KCNH1: variants seen among roughly 807,000 people sequenced by gnomAD.
The protein encoded by KCNH1 is voltage-gated delayed rectifier potassium channel KCNH1.
A neutral mutation model predicts 69.2 loss-of-function variants in KCNH1; 27 were observed. The ratio of observed to expected loss-of-function variants is 0.39; its 90% confidence interval spans 0.29 to 0.54. The LOEUF is 0.54. KCNH1 is among the 20% of genes least tolerant of loss of function. The pLI, the probability that KCNH1 is intolerant of heterozygous loss-of-function variation, is 0.68. For synonymous variants in KCNH1, 456 were observed against 487.7 expected, an observed-to-expected ratio of 0.93 and a Z score of 0.86; for missense variants, 798 against 1,261.6, an observed-to-expected ratio of 0.63 and a Z score of 5.57.
chr1:211,087,035 C>T (rs1690964251), intron 4 of KCNH1, among the ~76,000 whole-genome samples: 1 of 152,088 alleles, frequency 6.6e-6, no homozygotes, highest in African/African-American at 2.4e-5. Context: ...ACTTTCCCAC[C>T]AACCTGAGGG....
intron 1 of KCNH1, among the ~76,000 whole-genome samples, chr1:211,123,732 C>T (rs912341280): frequency 2.6e-5 from 4 of 151,926 alleles, no homozygotes; most frequent in Non-Finnish European, 4.4e-5. Context: ...AAGCATGAGC[C>T]GAGAGCAAGA....
intron 10 of KCNH1, among the ~76,000 whole-genome samples, chr1:210,729,329 A>G (rs1682685297): frequency 6.6e-6 from 1 of 152,228 alleles, no homozygotes; most frequent in South Asian, 2.1e-4. Context: ...AAAAAAATGC[A>G]GCTGTCCTTT....
At chr1:210,832,969 A>G (rs1685195248) in intron 7 of KCNH1, among the ~76,000 whole-genome samples, 1 of 148,192 alleles carries the variant, frequency 6.7e-6, no homozygotes, top group Non-Finnish European at 1.5e-5. Flanking sequence ...GAGATGCTTT[A>G]TCACTATTGC....
At chr1:210,814,567 G>A (rs1684774776) in intron 7 of KCNH1, among the ~76,000 whole-genome samples, 1 of 152,172 alleles carries the variant, frequency 6.6e-6, no homozygotes, top group Non-Finnish European at 1.5e-5. Flanking sequence ...AGGTTCTGAT[G>A]AGAAAGCAGC....
chr1:211,111,791 C>G (rs1360977537), intron 1 of KCNH1, among the ~76,000 whole-genome samples: 1 of 130,156 alleles, frequency 7.7e-6, no homozygotes, highest in Non-Finnish European at 1.6e-5. Context: ...AGGAGTGCCT[C>G]TGCCTGGCTA....
chr1:210,749,186 G>A (rs761354750), intron 10 of KCNH1, among the ~76,000 whole-genome samples: 1 of 152,108 alleles, frequency 6.6e-6, no homozygotes, highest in Admixed American at 6.5e-5. Context: ...ATCCTAATAA[G>A]AAAGTTCTTC....
intron 7 of KCNH1, among the ~76,000 whole-genome samples, chr1:210,830,661 C>T (rs572922995): frequency 1.6e-4 from 25 of 152,132 alleles, no homozygotes; most frequent in Non-Finnish European, 1.6e-4. Flanking sequence ...CAATGACTTC[C>T]TATGGAGGGT....
At chr1:211,058,659 A>C (rs1463354284) in intron 5 of KCNH1, among the ~76,000 whole-genome samples, 1 of 152,190 alleles carries the variant, frequency 6.6e-6, no homozygotes, top group Non-Finnish European at 1.5e-5. Flanking sequence ...ACCTTCATGA[A>C]AAGATAGAAA....
Position 210,820,417 on chromosome 1 carries a change from T to C in KCNH1, c.1463-16251A>G, listed in dbSNP as rs550561735. 1.8e-4 allele frequency among the ~76,000 whole-genome samples: 28 copies of C among 152,030 alleles called. No homozygotes were observed. The South Asian group carries it at 5.8e-3, about 32-fold the overall frequency. On this transcript the variant is annotated intron_variant, in intron 7 of 10. Coordinates refer to ENST00000271751, the MANE Select transcript of KCNH1 (RefSeq NM_172362.3). ...TTGGGAGGCTGAGGCGGGTGGATCATGAGGTCAGGAGTTCAAGACCAGCCT... is the reference window on the plus strand; with the variant it reads ...TTGGGAGGCTGAGGCGGGTGGATCACGAGGTCAGGAGTTCAAGACCAGCCT...
intron 9 of KCNH1, among the ~76,000 whole-genome samples, chr1:210,776,429 AT>A (rs1235194390): frequency 6.6e-6 from 1 of 152,176 alleles, no homozygotes; most frequent in African/African-American, 2.4e-5. Flanking sequence ...CCCATAATTC[AT>A]ATATTAAAAT....
intron 1 of KCNH1, among the ~76,000 whole-genome samples, chr1:211,115,139 C>T (rs1691546116): frequency 6.6e-6 from 1 of 152,130 alleles, no homozygotes; most frequent in Non-Finnish European, 1.5e-5. Flanking sequence ...TAGACACACA[C>T]CACCATGACC....
chr1:210,853,954 A>AAAAAAAAAC (rs1304018078), intron 7 of KCNH1, among the ~76,000 whole-genome samples: 7 of 130,568 alleles, frequency 5.4e-5, no homozygotes, highest in Non-Finnish European at 8.5e-5. Flanking sequence ...GCCAAAAAAA[A>AAAAAAAAAC]AAAAAAAAAA....
intron 10 of KCNH1, among the ~76,000 whole-genome samples, chr1:210,748,917 C>T (rs540309548): frequency 6.6e-6 from 1 of 152,330 alleles, no homozygotes; most frequent in Non-Finnish European, 1.5e-5. Context: ...CCTGTCCTAC[C>T]TGCTCCCACT....
At chr1:210,962,065 G>A (rs1315603229) in intron 6 of KCNH1, among the ~76,000 whole-genome samples, 1 of 152,084 alleles carries the variant, frequency 6.6e-6, no homozygotes, top group Non-Finnish European at 1.5e-5. Flanking sequence ...AGACTAAAGG[G>A]GGACCCTTTG....
intron 7 of KCNH1, among the ~76,000 whole-genome samples, chr1:210,867,437 C>G (rs1029783470): frequency 2.0e-5 from 3 of 151,650 alleles, no homozygotes; most frequent in African/African-American, 7.3e-5. Flanking sequence ...AAACCACCCA[C>G]AGATACTCCT....
At chr1:210,706,036 A>G (rs1434612866) in intron 10 of KCNH1, among the ~76,000 whole-genome samples, 1 of 152,248 alleles carries the variant, frequency 6.6e-6, no homozygotes, top group African/African-American at 2.4e-5. Context: ...GAAGGGATTG[A>G]GACTTGGAGT....
At chr1:211,038,180 C>T (rs1319414179) in intron 5 of KCNH1, among the ~76,000 whole-genome samples, 4 of 152,016 alleles carry the variant, frequency 2.6e-5, no homozygotes, top group African/African-American at 9.7e-5. Context: ...CCAGGATGGT[C>T]TCGATCTCCT....
In KCNH1 at chr1:210,830,751, A is replaced by G. The variant is rs563574440; in HGVS notation, c.1463-26585T>C. Among the ~76,000 whole-genome samples the G allele has an allele frequency of 1.4e-4, 22 of 152,208 alleles. 1 individual carries two copies. In the South Asian group the frequency reaches 4.2e-3, roughly 29 times the overall value. On this transcript the variant is annotated intron_variant, in intron 7 of 10. Coordinates refer to ENST00000271751, the MANE Select transcript of KCNH1 (RefSeq NM_172362.3). ...TCTCCAGTGACTCCAAAGAACTACAAATTTTTCTCTGTCTTCACCTCTTGG... is the reference window on the plus strand; with the variant it reads ...TCTCCAGTGACTCCAAAGAACTACAGATTTTTCTCTGTCTTCACCTCTTGG...
At chr1:211,062,699 A>G (rs1690451573) in intron 5 of KCNH1, among the ~76,000 whole-genome samples, 1 of 152,242 alleles carries the variant, frequency 6.6e-6, no homozygotes, top group African/African-American at 2.4e-5. Context: ...GCAAAGAGGT[A>G]TGTGAAAGAT....
Sources: allele counts gnomAD v4.1 joint callset (sites outside exome capture counted in the v4.1 genomes callset), GRCh38; gene constraint gnomAD v4.1.1; transcripts MANE v1.5; gene names NCBI Gene and HGNC (gene_info 2026-07-23, HGNC 2026-07-21).